Variants in FRY observed in about 807,000 individuals in gnomAD.
The protein encoded by FRY is FRY microtubule binding protein.
A neutral mutation model predicts 348.4 loss-of-function variants in FRY; 128 were observed. The ratio of observed to expected loss-of-function variants is 0.37; its 90% confidence interval spans 0.32 to 0.43. FRY has a LOEUF of 0.43. Ranked by LOEUF, FRY falls within the 20% of genes least tolerant of loss-of-function variation. The pLI is 1.00. For missense variants in FRY, 2,736 were observed against 3,695.2 expected (o/e 0.74, Z 6.73); for synonymous variants, 1,370 against 1,374.7 (o/e 1.00, Z 0.08).
chr13:32,211,108 A>G, intron 34 of FRY, 74 bp downstream of exon 34: 1 of 1,353,878 alleles, frequency 7.4e-7, no homozygotes, highest in Non-Finnish European at 1.1e-6. Context: ...CTGAAAGGAT[A>G]TGAGAATGTG....
Position 32,274,829 on chromosome 13 carries a change from T to C in FRY, c.8137-13T>C, listed in dbSNP as rs1888438767. The C allele has an allele frequency of 6.2e-7, 1 of 1,610,274 alleles. No individual in the cohort carries two copies. The highest frequency in any genetic ancestry group is 1.7e-5 in the Admixed American group (1 of 59,996). Reference sequence around the variant, plus strand: ...ACTTGACCTTTACAAATGGTCACTATTTTGCCTTGCAGAATATTCAGAAAA... The same window carrying C: ...ACTTGACCTTTACAAATGGTCACTACTTTGCCTTGCAGAATATTCAGAAAA... On this transcript the variant is annotated splice_polypyrimidine_tract_variant and intron_variant, in intron 55 of 60. Coordinates refer to ENST00000542859, the MANE Select transcript of FRY (RefSeq NM_023037.3).
At position 32,096,549 on chromosome 13, in the gene FRY, G is replaced by T. The variant is rs1593607835; in HGVS notation, c.271-5414G>T. Among the ~76,000 whole-genome samples, 3 of 152,256 alleles carry T rather than the reference G, an allele frequency of 2.0e-5. No individual in the cohort carries two copies. In the South Asian group the frequency reaches 6.2e-4, roughly 32 times the overall value. On this transcript the variant is annotated intron_variant, in intron 2 of 60. Transcript: ENST00000542859. Reference sequence around the variant, plus strand: ...GGCACGCCTGTAATCCTAGCAGTTTGGGAGGCCCAGGTGGGCGGATCACCT... The same window carrying T: ...GGCACGCCTGTAATCCTAGCAGTTTTGGAGGCCCAGGTGGGCGGATCACCT...
In FRY at chr13:32,274,432, A is replaced by G. The variant is rs529194289; in HGVS notation, c.8137-410A>G. Among the ~76,000 whole-genome samples the G allele has an allele frequency of 1.6e-3, 236 of 152,152 alleles. 1 individual carries two copies. Among genetic ancestry groups the G allele is most frequent in the South Asian group, 0.015 (73 of 4,812 alleles). On this transcript the variant is annotated intron_variant, in intron 55 of 60. Coordinates refer to ENST00000542859, the MANE Select transcript of FRY (RefSeq NM_023037.3). ...TGTCAAGTAAAAAAATCAGGGCCAG[A>G]CGCAGTGGCTCACACCTGTAATCCC... is the stretch of plus-strand genomic sequence containing the variant.
chr13:32,284,534 G>A (rs206091), intron 58 of FRY, among the ~76,000 whole-genome samples: 42,343 of 152,100 alleles, frequency 0.28, 6,106 homozygotes, highest in Middle Eastern at 0.31. Context: ...AAAAGTGAAT[G>A]TCTCAGGATG....
chr13:32,117,203 A>C, intron 3 of FRY, 131 bp from the exon 4 acceptor site: 1 of 797,632 alleles, frequency 1.3e-6, no homozygotes. Flanking sequence ...AATAAAGATT[A>C]TGAAAGAAAG....
intron 24 of FRY, among the ~76,000 whole-genome samples, chr13:32,184,052 G>A (rs372556401): frequency 1.1e-4 from 17 of 151,950 alleles, no homozygotes; most frequent in Middle Eastern, 3.4e-3. Context: ...GGTGGTGCAC[G>A]CCTGTAGTCC....
In FRY at chr13:32,209,579, T is replaced by C; in HGVS notation, c.4276-6T>C. ...ATCTCTTGGGCCGGTTTTTATTTTG[T>C]TATAGTATGGAGATGAAGTTCCTGG... On this transcript the variant is annotated splice_polypyrimidine_tract_variant and splice_region_variant and intron_variant, in intron 32 of 60. Transcript: ENST00000542859. The C allele has an allele frequency of 2.5e-6, 4 of 1,614,008 alleles. No homozygotes were observed. The highest frequency in any genetic ancestry group is 3.4e-6 in the Non-Finnish European group (4 of 1,179,896).
intron 29 of FRY, among the ~76,000 whole-genome samples, 157 bp downstream of exon 29, chr13:32,194,454 G>C (rs1024652290): frequency 4.6e-5 from 7 of 152,220 alleles, no homozygotes; most frequent in Non-Finnish European, 1.0e-4. Context: ...ACTACTCCCT[G>C]TAAGGTTGCA....
intron 11 of FRY, among the ~76,000 whole-genome samples, chr13:32,145,669 C>T (rs910794484): frequency 6.6e-6 from 1 of 151,020 alleles, no homozygotes; most frequent in Admixed American, 6.6e-5. Flanking sequence ...CTCAGCCTCC[C>T]GAGTAGCTGG....
intron 58 of FRY, 66 bp downstream of exon 58, chr13:32,278,614 C>T (rs752478962): frequency 2.2e-6 from 2 of 890,140 alleles, no homozygotes; most frequent in South Asian, 2.6e-5. Context: ...TTTGGTCTAC[C>T]CAAGAAGCCT....
At chr13:32,260,219 A>G (rs1887558216) in intron 51 of FRY, among the ~76,000 whole-genome samples, 1 of 152,220 alleles carries the variant, frequency 6.6e-6, no homozygotes, top group African/African-American at 2.4e-5. Context: ...CACATCTCTC[A>G]TATTATGTTG....
chr13:32,205,202 C>CA (rs35930899), intron 31 of FRY, among the ~76,000 whole-genome samples: 7,575 of 77,462 alleles, frequency 0.098, 639 homozygotes, highest in East Asian at 0.29. Context: ...GACTCTGTCT[C>CA]AAAAAAAAAA....
chr13:32,274,827 T>G lies in FRY; in HGVS notation c.8137-15T>G. The stretch of plus-strand genomic sequence containing the variant: ...TAACTTGACCTTTACAAATGGTCAC[T>G]ATTTTGCCTTGCAGAATATTCAGAA... On this transcript the variant is annotated splice_polypyrimidine_tract_variant and intron_variant, in intron 55 of 60. Transcript: ENST00000542859. The G allele has an allele frequency of 6.2e-7, 1 of 1,604,178 alleles. No homozygotes were observed. The highest frequency in any genetic ancestry group is 2.2e-5 in the East Asian group (1 of 44,510).
At chr13:32,294,222 A>C in intron 59 of FRY, 146 bp from the exon 60 acceptor site, 1 of 652,112 alleles carries the variant, frequency 1.5e-6, no homozygotes, top group Non-Finnish European at 2.7e-6. Flanking sequence ...CATACCATGG[A>C]GTACAATGTC....
At chr13:32,218,505 C>A (rs1039766672) in intron 35 of FRY, among the ~76,000 whole-genome samples, 2 of 151,974 alleles carry the variant, frequency 1.3e-5, no homozygotes, top group African/African-American at 2.4e-5. Context: ...ATGGTGAAAC[C>A]CTGTCTCTAC....
intron 1 of FRY, among the ~76,000 whole-genome samples, chr13:32,049,102 T>C (rs190819644): frequency 1.6e-3 from 238 of 152,310 alleles, no homozygotes; most frequent in Non-Finnish European, 1.4e-3. Flanking sequence ...GGCATTGTGC[T>C]GGGACCTGGG....
At chr13:32,107,649 A>G (rs1231737325) in intron 3 of FRY, among the ~76,000 whole-genome samples, 1 of 152,200 alleles carries the variant, frequency 6.6e-6, no homozygotes, top group African/African-American at 2.4e-5. Context: ...AGGCCCCACC[A>G]CTGGAGTCTC....
intron 35 of FRY, among the ~76,000 whole-genome samples, chr13:32,216,279 A>G (rs965252901): frequency 6.6e-6 from 1 of 152,216 alleles, no homozygotes; most frequent in African/African-American, 2.4e-5. Context: ...GCAAAGGAAA[A>G]TAACAGATTT....
intron 8 of FRY, among the ~76,000 whole-genome samples, chr13:32,133,439 C>T (rs11617382): frequency 0.18 from 27,172 of 152,128 alleles, 2,952 homozygotes; most frequent in Non-Finnish European, 0.24. Context: ...ATTTATCCCA[C>T]TCTCATATTA....
Sources: allele counts gnomAD v4.1 joint callset (sites outside exome capture counted in the v4.1 genomes callset), GRCh38; gene constraint gnomAD v4.1.1; transcripts MANE v1.5; gene names NCBI Gene and HGNC (gene_info 2026-07-23, HGNC 2026-07-21).